NFXL1: variants seen among roughly 807,000 people sequenced by gnomAD.
NFXL1 encodes NF-X1-type zinc finger protein NFXL1.
In NFXL1, 66 loss-of-function variants were observed where a neutral mutation model predicts 123.3. The ratio of observed to expected loss-of-function variants is 0.54; its 90% CI spans 0.44 to 0.66. The LOEUF (loss-of-function observed/expected upper bound fraction) is 0.66, where lower values mean the gene tolerates loss of function less well. Ranked by LOEUF, NFXL1 falls within the 30% of genes least tolerant of loss-of-function variation. The pLI, the probability that NFXL1 is intolerant of heterozygous loss-of-function variation, is 0.00. For synonymous variants in NFXL1, 346 were observed against 360.8 expected (o/e 0.96, Z 0.46); for missense variants, 944 against 1,125.6 (o/e 0.84, Z 2.31).
chr4:47,881,057 C>A (rs574801970), intron 15 of NFXL1, among the ~76,000 whole-genome samples: 4 of 151,868 alleles, frequency 2.6e-5, no homozygotes, highest in Non-Finnish European at 5.9e-5. Flanking sequence ...TGCTATAAAA[C>A]TACTGTTATC....
chr4:47,881,937 T>C (rs1022100890), intron 15 of NFXL1, among the ~76,000 whole-genome samples: 6 of 152,166 alleles, frequency 3.9e-5, no homozygotes, highest in African/African-American at 1.4e-4. Flanking sequence ...GCAGTGAAAC[T>C]ATTCTGTATG....
At chr4:47,885,718 G>C in intron 13 of NFXL1, 61 bp from the exon 14 acceptor site, 1 of 1,451,124 alleles carries the variant, frequency 6.9e-7, no homozygotes. Flanking sequence ...TACATCTAAA[G>C]GACAATTATC....
intron 1 of NFXL1, 71 bp downstream of exon 1, chr4:47,914,294 T>TG: frequency 9.6e-7 from 1 of 1,038,402 alleles, no homozygotes; most frequent in Non-Finnish European, 1.3e-6. Context: ...AAACCCGGTG[T>TG]GAGGGGCCGA....
At chr4:47,897,867 A>T in intron 9 of NFXL1, 100 bp downstream of exon 9, 1 of 649,342 alleles carries the variant, frequency 1.5e-6, no homozygotes, top group Non-Finnish European at 2.6e-6. Context: ...TCTTTCATTT[A>T]GTAATATGCA....
At chr4:47,903,507 T>G (rs539245860) in intron 4 of NFXL1, among the ~76,000 whole-genome samples, 184 bp from the exon 5 acceptor site, 4 of 152,314 alleles carry the variant, frequency 2.6e-5, no homozygotes, top group Admixed American at 2.0e-4. Context: ...GTAGGATACT[T>G]CGAAGAAAAT....
intron 3 of NFXL1, among the ~76,000 whole-genome samples, chr4:47,907,834 G>A (rs912186234): frequency 3.9e-5 from 6 of 152,146 alleles, no homozygotes; most frequent in Admixed American, 3.9e-4. Context: ...AATGGTTTAA[G>A]TGAGTTCCTC....
chr4:47,898,015 C>T lies in NFXL1; in HGVS notation c.1156G>A (p.Gly386Arg). ...CTTTTCCCAGATCGAGGACATTCTC[C>T]ACAAGCACCAACATGGCAAACTTGC... Reference protein sequence around the residue: ...CEQVCHVGACGECPRSGKRFC... With the variant: ...CEQVCHVGACRECPRSGKRFC... The change falls in exon 9 of 23, where the codon GGA (glycine) becomes AGA (arginine). Residue 386 changes from glycine (G) to arginine (R), a missense_variant. Transcript: ENST00000507489. The T allele has an allele frequency of 6.2e-7, 1 of 1,612,738 alleles. No homozygotes were observed. The highest frequency in any genetic ancestry group is 1.7e-5 in the Admixed American group (1 of 59,730).
At chr4:47,886,125 C>A (rs1358727955) in intron 12 of NFXL1, 126 bp from the exon 13 acceptor site, 4 of 768,162 alleles carry the variant, frequency 5.2e-6, no homozygotes, top group Non-Finnish European at 6.4e-6. Context: ...GAAACTACAA[C>A]AACATGAATG....
intron 9 of NFXL1, among the ~76,000 whole-genome samples, chr4:47,897,280 C>A (rs558692742): frequency 6.6e-6 from 1 of 152,266 alleles, no homozygotes; most frequent in East Asian, 1.9e-4. Flanking sequence ...CCACTGCACT[C>A]CAGCCTGGGC....
intron 3 of NFXL1, among the ~76,000 whole-genome samples, chr4:47,910,457 G>C (rs1365431682): frequency 1.3e-5 from 2 of 152,046 alleles, no homozygotes; most frequent in African/African-American, 4.8e-5. Flanking sequence ...AAAATGAATA[G>C]ATTGAAAGGA....
intron 18 of NFXL1, among the ~76,000 whole-genome samples, chr4:47,865,462 A>G (rs1734997841): frequency 7.0e-6 from 1 of 142,796 alleles, no homozygotes; most frequent in African/African-American, 2.6e-5. Flanking sequence ...ACAAATTTCT[A>G]CAAACTTCAA....
At chr4:47,861,831 CTTAG>C (rs374011074) in intron 19 of NFXL1, among the ~76,000 whole-genome samples, 105 of 152,166 alleles carry the variant, frequency 6.9e-4, no homozygotes, top group East Asian at 3.9e-3. Context: ...GGTCCAAAGC[CTTAG>C]TTAAAGGAAA....
chr4:47,861,451 C>T (rs906532025), intron 19 of NFXL1, among the ~76,000 whole-genome samples: 1 of 152,122 alleles, frequency 6.6e-6, no homozygotes, highest in African/African-American at 2.4e-5. Context: ...CTAGTCCCAC[C>T]AAAAGTCATA....
At chr4:47,871,851 G>T (rs1735457961) in intron 18 of NFXL1, among the ~76,000 whole-genome samples, 1 of 152,106 alleles carries the variant, frequency 6.6e-6, no homozygotes, top group Non-Finnish European at 1.5e-5. Context: ...ATATGAACAG[G>T]AATTTTTCAA....
rs368216230 is a variant in NFXL1, at chr4:47,865,756, C to T, written c.2247-2841G>A. 8.3e-4 allele frequency among the ~76,000 whole-genome samples: 119 copies of T among 143,512 alleles called. 1 individual carries two copies. The highest frequency in any genetic ancestry group is 3.3e-3 in the African/African-American group (111 of 33,320). The allele number at this position is 143,512 out of a possible 152,430, so 94.1% of individuals were successfully genotyped here. On this transcript the variant is annotated intron_variant, in intron 18 of 22. Coordinates refer to ENST00000507489, the MANE Select transcript of NFXL1 (RefSeq NM_001278624.2). ...CTCTAATCCCAGCACTTTCGGAGGC[C>T]GAGGAAGGTGAACTGCCGGAGGCCG... is the stretch of plus-strand genomic sequence containing the variant.
chr4:47,905,397 C>T lies in NFXL1; in HGVS notation c.407-51G>A, dbSNP rs557767103. On this transcript the variant is annotated intron_variant, in intron 3 of 22. Transcript: ENST00000507489. ...CACCCTAAACAACATCTGAAAATAACACAAACTCACTAATAGCACCATATT... is the reference window on the plus strand; with the variant it reads ...CACCCTAAACAACATCTGAAAATAATACAAACTCACTAATAGCACCATATT... The T allele has an allele frequency of 7.1e-6, 6 of 848,314 alleles. No homozygotes were observed. The African/African-American group carries it at 8.3e-5, about 12-fold the overall frequency. 52.5% of individuals were successfully genotyped at this position (848,314 alleles called of 1,614,324 possible). A position where few individuals can be genotyped will look rare whatever the true frequency, so the allele number is the denominator to read the frequency against.
At chr4:47,912,877 G>A (rs1339270534) in intron 2 of NFXL1, among the ~76,000 whole-genome samples, 1 of 148,986 alleles carries the variant, frequency 6.7e-6, no homozygotes, top group Non-Finnish European at 1.5e-5. Flanking sequence ...GCCAGGCGTG[G>A]TGGCAGGCGC....
At chr4:47,913,788 G>A (rs1345424313) in intron 2 of NFXL1, among the ~76,000 whole-genome samples, 181 bp downstream of exon 2, 1 of 152,180 alleles carries the variant, frequency 6.6e-6, no homozygotes, top group African/African-American at 2.4e-5. Flanking sequence ...AGGTGCGATG[G>A]AAATCTACCT....
chr4:47,876,051 T>C (rs1050623034), intron 17 of NFXL1, among the ~76,000 whole-genome samples: 3 of 152,282 alleles, frequency 2.0e-5, no homozygotes, highest in South Asian at 4.1e-4. Flanking sequence ...CAAACATTTT[T>C]ATTATCATTC....
Sources: allele counts gnomAD v4.1 joint callset (sites outside exome capture counted in the v4.1 genomes callset), GRCh38; gene constraint gnomAD v4.1.1; transcripts MANE v1.5; gene names NCBI Gene and HGNC (gene_info 2026-07-23, HGNC 2026-07-21).